SHQ1: variants seen among roughly 807,000 people sequenced by gnomAD.
The protein encoded by SHQ1 is protein SHQ1 homolog.
Under a neutral mutation model 53.8 loss-of-function variants are expected in SHQ1, and 49 were observed. The observed-to-expected ratio is 0.91, with a 90% CI of 0.72 to 1.16. The LOEUF is 1.16. SHQ1 is among the 50% of genes most tolerant of loss of function. SHQ1 has a pLI of 0.00. For missense variants in SHQ1, 738 were observed against 683.1 expected (o/e 1.08, Z -0.90); for synonymous variants, 243 against 251.0 (o/e 0.97, Z 0.30).
At chr3:72,786,209 A>G (rs73093243) in intron 10 of SHQ1, among the ~76,000 whole-genome samples, 1,796 of 152,156 alleles carry the variant, frequency 0.012, 14 homozygotes, top group Non-Finnish European at 0.019. Flanking sequence ...TTCCTGGATT[A>G]CCCTGCTTCT....
chr3:72,809,713 C>T (rs1707060690), intron 9 of SHQ1: 2 of 152,266 alleles, frequency 1.3e-5, no homozygotes, highest in Admixed American at 1.3e-4. Flanking sequence ...AATCCCAGCA[C>T]TTTGGGAAGC....
intron 10 of SHQ1, among the ~76,000 whole-genome samples, chr3:72,784,549 A>G (rs1028476589): frequency 6.6e-6 from 1 of 152,254 alleles, no homozygotes; most frequent in Non-Finnish European, 1.5e-5. Flanking sequence ...TTAATTAAAA[A>G]TAAACAGTAA....
At chr3:72,729,975 C>T in the SHQ1 span, among the ~76,000 whole-genome samples, 219 of 152,130 alleles carry the variant, frequency 1.4e-3, 1 homozygote, top group African/African-American at 5.0e-3. Context: ...CCCGCCACCT[C>T]ACCAGGCTAA....
chr3:72,838,650 C>A (rs922644668), intron 4 of SHQ1, among the ~76,000 whole-genome samples: 13 of 152,182 alleles, frequency 8.5e-5, no homozygotes, highest in African/African-American at 2.9e-4. Context: ...CAGGCATGCG[C>A]CACCACGCTC....
rs1246408527 is a variant in SHQ1 at position 72,793,070 on chromosome 3, T to G, written c.1061-34A>C. On this transcript the variant is annotated intron_variant, in intron 9 of 10. Coordinates refer to ENST00000325599, the MANE Select transcript of SHQ1 (RefSeq NM_018130.3). ...AATTGAAAAAACATAAAATTATCCT[T>G]AAGAAAAAGAAATTCAGACCCTGAG... 1.9e-6 allele frequency: 3 copies of G among 1,557,542 alleles called. No homozygotes were observed. The East Asian group carries it at 6.7e-5, about 35-fold the overall frequency.
intron 10 of SHQ1, chr3:72,772,823 A>G (rs1705883379): frequency 2.6e-6 from 2 of 768,426 alleles, no homozygotes; most frequent in Admixed American, 1.7e-5. Context: ...GAAAACTCAG[A>G]GAAGAATGAG....
chr3:72,844,983 A>T (rs1407915549), intron 1 of SHQ1, among the ~76,000 whole-genome samples: 1 of 152,350 alleles, frequency 6.6e-6, no homozygotes, highest in Non-Finnish European at 1.5e-5. Flanking sequence ...GTATGCAAAA[A>T]TATTCCAAAA....
chr3:72,831,856 A>G (rs1190704003), intron 5 of SHQ1, among the ~76,000 whole-genome samples: 3 of 152,214 alleles, frequency 2.0e-5, no homozygotes, highest in African/African-American at 7.2e-5. Flanking sequence ...CAAAACTTCA[A>G]ATTAGATTCT....
chr3:72,743,481 C>A, the SHQ1 span, among the ~76,000 whole-genome samples: 1 of 152,058 alleles, frequency 6.6e-6, no homozygotes, highest in Non-Finnish European at 1.5e-5. Flanking sequence ...GACCCCAGAC[C>A]CGGAAGAAGG....
In SHQ1 at chr3:72,824,455, C is replaced by T. The variant is rs1559690972; in HGVS notation, c.696G>A (p.Lys232=). The T allele has an allele frequency of 6.2e-7, 1 of 1,612,198 alleles. No individual in the cohort carries two copies. The highest frequency in any genetic ancestry group is 8.5e-7 in the Non-Finnish European group (1 of 1,179,642). Residue 232 remains lysine, a synonymous_variant, in exon 6 of 11, where the codon AAG becomes AAA. Transcript: ENST00000325599. ...KYSKMMAFLE[K]SQEQENHATL... is the part of the protein sequence containing the mutation. ...TAGCATGATTTTCTTGTTCCTGACTCTTTTCCAAAAAGGCCATCATTTTTG... is the reference window on the plus strand; with the variant it reads ...TAGCATGATTTTCTTGTTCCTGACTTTTTTCCAAAAAGGCCATCATTTTTG...
At chr3:72,750,863 T>G (rs180806752) in intron 10 of SHQ1, 27 bp from the exon 11 acceptor site, 2 of 1,474,794 alleles carry the variant, frequency 1.4e-6, no homozygotes, top group Admixed American at 5.3e-5. Flanking sequence ...AAAGAAAGAT[T>G]AGAATTATTT....
At position 72,815,530 on chromosome 3, in the gene SHQ1, C is replaced by A. The variant is rs758701919; in HGVS notation, c.883-127G>T. On this transcript the variant is annotated intron_variant, in intron 7 of 10. Coordinates refer to ENST00000325599, the MANE Select transcript of SHQ1 (RefSeq NM_018130.3). ...ACATATGAGAACTAAGAAGTGTTCA[C>A]GACTATAGAAAAATAATTATTTTGC... 68 of 626,106 alleles carry A rather than the reference C, an allele frequency of 1.1e-4. 1 individual carries two copies. Among genetic ancestry groups the A allele is most frequent in the South Asian group, 2.4e-5 (1 of 41,100 alleles). 38.8% of individuals were successfully genotyped at this position (626,106 alleles called of 1,614,324 possible).
At chr3:72,795,964 G>A (rs573034636) in intron 9 of SHQ1, among the ~76,000 whole-genome samples, 42 of 151,974 alleles carry the variant, frequency 2.8e-4, no homozygotes, top group African/African-American at 8.7e-4. Context: ...TGAGCCAGGC[G>A]TGGTAGTGCA....
intron 10 of SHQ1, among the ~76,000 whole-genome samples, chr3:72,786,531 C>G (rs1165392687): frequency 2.6e-5 from 4 of 152,116 alleles, no homozygotes; most frequent in Non-Finnish European, 5.9e-5. Flanking sequence ...TACTCTTCAT[C>G]CCCACTTCCC....
At chr3:72,780,003 A>G (rs1706039623) in intron 10 of SHQ1, among the ~76,000 whole-genome samples, 1 of 152,204 alleles carries the variant, frequency 6.6e-6, no homozygotes, top group African/African-American at 2.4e-5. Context: ...TGGGAGGCCA[A>G]GGCAGGAGGA....
In SHQ1 at chr3:72,848,148, C is replaced by A. The variant is rs772129693; in HGVS notation, c.143+50G>T. The A allele has an allele frequency of 1.9e-6, 3 of 1,608,440 alleles. No individual in the cohort carries two copies. The South Asian group carries it at 3.3e-5, about 18-fold the overall frequency. ...TCGACCTTGCATTCTCCCTCTAAAGCAGCTATCTAACGAATGCGCCTTTCC... is the reference window on the plus strand; with the variant it reads ...TCGACCTTGCATTCTCCCTCTAAAGAAGCTATCTAACGAATGCGCCTTTCC... On this transcript the variant is annotated intron_variant, in intron 1 of 10. Coordinates refer to ENST00000325599, the MANE Select transcript of SHQ1 (RefSeq NM_018130.3).
intron 10 of SHQ1, among the ~76,000 whole-genome samples, chr3:72,769,242 A>T (rs989266328): frequency 3.9e-5 from 6 of 152,182 alleles, no homozygotes; most frequent in Admixed American, 3.9e-4. Context: ...GGGCCCAGCA[A>T]CTGCCAGAAC....
At chr3:72,806,696 T>C (rs1250789948) in intron 9 of SHQ1, among the ~76,000 whole-genome samples, 1 of 152,184 alleles carries the variant, frequency 6.6e-6, no homozygotes, top group Non-Finnish European at 1.5e-5. Context: ...TAGCAGAAAC[T>C]ACACTATCCC....
In SHQ1 at chr3:72,798,349, C is replaced by T. The variant is rs75083444; in HGVS notation, c.1061-5313G>A. 4.7e-3 allele frequency among the ~76,000 whole-genome samples: 711 copies of T among 152,236 alleles called. 2 individuals are homozygous for T. The highest frequency in any genetic ancestry group is 0.015 in the African/African-American group (620 of 41,526). On this transcript the variant is annotated intron_variant, in intron 9 of 10. Transcript: ENST00000325599. ...CAACCCTATCCATGGAAGAATGACT[C>T]GAAGACCAAGAACTCTTGTTCACTC... is the stretch of plus-strand genomic sequence containing the variant.
Sources: allele counts gnomAD v4.1 joint callset (sites outside exome capture counted in the v4.1 genomes callset), GRCh38; gene constraint gnomAD v4.1.1; transcripts MANE v1.5; gene names NCBI Gene and HGNC (gene_info 2026-07-23, HGNC 2026-07-21).